CDHR3: variants seen among roughly 807,000 people sequenced by gnomAD.
CDHR3 encodes cadherin-related family member 3.
A neutral mutation model predicts 86.6 loss-of-function variants in CDHR3; 79 were observed. The ratio of observed to expected loss-of-function variants is 0.91; its 90% CI spans 0.76 to 1.10. The LOEUF (loss-of-function observed/expected upper bound fraction) is 1.10, where lower values mean the gene tolerates loss of function less well. Ranked by LOEUF, CDHR3 falls within the 50% of genes least tolerant of loss-of-function variation. CDHR3 has a pLI of 0.00. For missense variants in CDHR3, 1,081 were observed against 1,077.6 expected (o/e 1.00, Z -0.04); for synonymous variants, 421 against 402.4 (o/e 1.05, Z -0.55).
intron 8 of CDHR3, among the ~76,000 whole-genome samples, chr7:106,007,549 G>A (rs1834121199): frequency 6.6e-6 from 1 of 152,188 alleles, no homozygotes; most frequent in Admixed American, 6.5e-5. Flanking sequence ...CAAGTCTCTA[G>A]GGCAGGGGCA....
rs538766944 is a variant in CDHR3, at chr7:105,990,252, G to A, written c.514-4499G>A. On this transcript the variant is annotated intron_variant, in intron 4 of 18. Transcript: ENST00000317716. The stretch of plus-strand genomic sequence containing the variant: ...ATAATAGCATTTTGCATTTGTCATC[G>A]TGTCTCTTCTTAAAAACATTCAAGT... 8.0e-4 allele frequency among the ~76,000 whole-genome samples: 122 copies of A among 152,294 alleles called. 1 individual carries two copies. Among genetic ancestry groups the A allele is most frequent in the African/African-American group, 2.6e-3 (107 of 41,572 alleles).
intron 2 of CDHR3, among the ~76,000 whole-genome samples, chr7:105,977,387 T>C (rs1360437517): frequency 6.6e-6 from 1 of 152,200 alleles, no homozygotes; most frequent in Non-Finnish European, 1.5e-5. Context: ...AGCAGGGCTG[T>C]TAATCAAGGA....
chr7:106,026,937 C>T (rs1397955265), intron 16 of CDHR3, among the ~76,000 whole-genome samples: 3 of 152,164 alleles, frequency 2.0e-5, no homozygotes, highest in Admixed American at 1.3e-4. Context: ...CTACCTAGAG[C>T]CCTCGCCAAT....
rs1835055932 is a variant in CDHR3, at chr7:106,013,051, A to G, written c.1224+20A>G. ...ATTGTGGTCAGTTAATGGTCATTGC[A>G]TCATTAAAAGGGCATCGGGAATTGG... On this transcript the variant is annotated intron_variant, in intron 9 of 18. Transcript: ENST00000317716. The G allele has an allele frequency of 1.9e-6, 3 of 1,562,118 alleles. No individual in the cohort carries two copies. Among genetic ancestry groups the G allele is most frequent in the African/African-American group, 2.7e-5 (2 of 73,164 alleles).
chr7:105,987,288 G>A (rs1830662782), intron 4 of CDHR3, among the ~76,000 whole-genome samples: 1 of 152,092 alleles, frequency 6.6e-6, no homozygotes, highest in Admixed American at 6.6e-5. Flanking sequence ...TTGGGGAGGG[G>A]GTACTCAGAG....
intron 4 of CDHR3, among the ~76,000 whole-genome samples, chr7:105,992,265 G>A (rs1157416536): frequency 1.3e-5 from 2 of 152,116 alleles, no homozygotes; most frequent in African/African-American, 4.8e-5. Context: ...CCTGATTCAG[G>A]TACATACAGT....
At chr7:105,964,229 T>C (rs1157441093) in intron 1 of CDHR3, among the ~76,000 whole-genome samples, 3 of 152,196 alleles carry the variant, frequency 2.0e-5, no homozygotes, top group African/African-American at 7.2e-5. Context: ...TTTGGTACAT[T>C]CTTATTATGG....
chr7:106,013,673 G>A (rs912644000), intron 9 of CDHR3, among the ~76,000 whole-genome samples: 4 of 152,130 alleles, frequency 2.6e-5, no homozygotes, highest in Non-Finnish European at 4.4e-5. Context: ...CCAGCAACCC[G>A]CTACCCTTCC....
chr7:106,015,521 A>G (rs1585780486), intron 10 of CDHR3, among the ~76,000 whole-genome samples: 1 of 151,302 alleles, frequency 6.6e-6, no homozygotes, highest in South Asian at 2.1e-4. Context: ...CTCCAGCTTC[A>G]CCTCCTGTCA....
rs1159037406 is a variant in CDHR3, at chr7:106,034,490, C to A, written c.*1793C>A. Among the ~76,000 whole-genome samples the A allele has an allele frequency of 6.6e-6, 1 of 152,206 alleles. No homozygotes were observed. The highest frequency in any genetic ancestry group is 1.5e-5 in the Non-Finnish European group (1 of 68,040). Reference sequence around the variant, plus strand: ...CCTAGTGCCAGTGTCACTTCTCAAGCAAAAGAAGCATTTGCAAAATGCCTG... The same window carrying A: ...CCTAGTGCCAGTGTCACTTCTCAAGAAAAAGAAGCATTTGCAAAATGCCTG... On this transcript the variant is annotated 3_prime_UTR_variant, in exon 19 of 19. Transcript: ENST00000317716.
intron 1 of CDHR3, among the ~76,000 whole-genome samples, chr7:105,964,065 G>C (rs996253943): frequency 2.6e-5 from 4 of 152,124 alleles, no homozygotes; most frequent in Non-Finnish European, 5.9e-5. Flanking sequence ...AAAATACTTA[G>C]AAGAGTGTCT....
intron 4 of CDHR3, among the ~76,000 whole-genome samples, chr7:105,987,949 G>T (rs972344882): frequency 5.3e-5 from 8 of 151,828 alleles, no homozygotes; most frequent in Admixed American, 5.2e-4. Context: ...AGAGTACACT[G>T]GTGCAATCAC....
Position 106,032,778 on chromosome 7 carries a change from A to T in CDHR3, c.*81A>T. 1 of 1,416,366 alleles carries T rather than the reference A, an allele frequency of 7.1e-7. No individual in the cohort carries two copies. The highest frequency in any genetic ancestry group is 9.5e-7 in the Non-Finnish European group (1 of 1,057,138). 87.7% of individuals were successfully genotyped at this position (1,416,366 alleles called of 1,614,324 possible). A position where few individuals can be genotyped will look rare whatever the true frequency, so the allele number is the denominator to read the frequency against. On this transcript the variant is annotated 3_prime_UTR_variant, in exon 19 of 19. Coordinates refer to ENST00000317716, the MANE Select transcript of CDHR3 (RefSeq NM_152750.5). The stretch of plus-strand genomic sequence containing the variant: ...TATGGGGATGGTGTGGGCATGGTGT[A>T]GGGGGGAAAATGTGGGCTGAGGGGA...
intron 2 of CDHR3, among the ~76,000 whole-genome samples, chr7:105,979,563 C>T (rs551530725): frequency 6.6e-6 from 1 of 152,324 alleles, no homozygotes; most frequent in East Asian, 1.9e-4. Context: ...TCCATAGTAG[C>T]TTGACCTAGC....
intron 14 of CDHR3, among the ~76,000 whole-genome samples, chr7:106,023,272 T>G (rs938570751): frequency 5.3e-5 from 8 of 152,192 alleles, no homozygotes; most frequent in Non-Finnish European, 1.2e-4. Flanking sequence ...GTGAGCTGTG[T>G]TTTCAATCAG....
chr7:105,981,162 C>T (rs749913627), intron 3 of CDHR3, 29 bp downstream of exon 3: 5 of 1,601,008 alleles, frequency 3.1e-6, no homozygotes, highest in Non-Finnish European at 4.3e-6. Context: ...TGCACTGCAG[C>T]CCAGACAGTG....
intron 8 of CDHR3, among the ~76,000 whole-genome samples, chr7:106,008,395 G>C (rs1299319410): frequency 6.6e-6 from 1 of 152,140 alleles, no homozygotes; most frequent in Non-Finnish European, 1.5e-5. Context: ...GCTTCCCTGG[G>C]CCTAGTGGTG....
Position 106,033,033 on chromosome 7 carries a change from T to C in CDHR3, c.*336T>C, listed in dbSNP as rs1418512724. On this transcript the variant is annotated 3_prime_UTR_variant, in exon 19 of 19. Transcript: ENST00000317716. ...CTCTATTCTGTTCACCATAGAAAGT[T>C]TGTAGGAATTCCTGACATAAATAGT... is the stretch of plus-strand genomic sequence containing the variant. The C allele has an allele frequency of 4.2e-6, 1 of 237,890 alleles. No individual in the cohort carries two copies. The highest frequency in any genetic ancestry group is 2.2e-5 in the African/African-American group (1 of 45,172). The allele number at this position is 237,890 out of a possible 1,614,324, so 14.7% of individuals were successfully genotyped here. A position where few individuals can be genotyped will look rare whatever the true frequency, so the allele number is the denominator to read the frequency against.
At chr7:106,009,760 A>G (rs924552781) in intron 8 of CDHR3, among the ~76,000 whole-genome samples, 4 of 152,178 alleles carry the variant, frequency 2.6e-5, no homozygotes, top group Non-Finnish European at 5.9e-5. Flanking sequence ...GGCCCGACGG[A>G]GGCATCCGAG....
Sources: gnomAD v4.1 joint callset for allele counts (sites outside exome capture counted in the v4.1 genomes callset) on GRCh38, gnomAD v4.1.1 for gene constraint, MANE v1.5 for transcripts, NCBI Gene and HGNC (gene_info 2026-07-23, HGNC 2026-07-21) for gene names.